Variants in RBPJ observed in about 807,000 individuals in gnomAD.
The protein encoded by RBPJ is recombining binding protein suppressor of hairless.
RBPJ carries 9 observed loss-of-function variants against 67.8 expected under a neutral mutation model. That is an observed-to-expected ratio of 0.13 (90% CI 0.08 to 0.23). RBPJ has a LOEUF of 0.23. Ranked by LOEUF, RBPJ falls within the 10% of genes least tolerant of loss-of-function variation. RBPJ has a pLI of 1.00. For missense variants in RBPJ, 305 were observed against 595.6 expected (o/e 0.51, Z 5.08); for synonymous variants, 198 against 203.3 (o/e 0.97, Z 0.22).
At chr4:26,173,790 G>A (rs1350967359) in intron 1 of RBPJ, among the ~76,000 whole-genome samples, 2 of 152,174 alleles carry the variant, frequency 1.3e-5, no homozygotes, top group Non-Finnish European at 2.9e-5. Context: ...TCCACGGGCT[G>A]GGCACTGGAC....
At chr4:26,321,397 G>T (rs1204050682) in intron 1 of RBPJ, 1 of 152,142 alleles carries the variant, frequency 6.6e-6, no homozygotes, top group African/African-American at 2.4e-5. Context: ...CCTCGCGGCC[G>T]TTGTCGCCGC....
chr4:26,306,923 T>C (rs1036780644), intron 1 of RBPJ, among the ~76,000 whole-genome samples: 10 of 152,132 alleles, frequency 6.6e-5, no homozygotes, highest in Admixed American at 3.9e-4. Context: ...TTGTTGCATT[T>C]CTCATCATTT....
chr4:26,233,952 C>T (rs1719371360), intron 1 of RBPJ, among the ~76,000 whole-genome samples: 1 of 152,030 alleles, frequency 6.6e-6, no homozygotes, highest in African/African-American at 2.4e-5. Context: ...CAAAAAATGT[C>T]AGAGCTCATT....
the RBPJ span, among the ~76,000 whole-genome samples, chr4:26,111,317 A>G: frequency 1.3e-5 from 2 of 152,026 alleles, no homozygotes; most frequent in African/African-American, 4.8e-5. Context: ...CACTTTCCTC[A>G]CTAGGTTCCA....
At chr4:26,312,382 C>T (rs1476642664) in intron 1 of RBPJ, among the ~76,000 whole-genome samples, 2 of 152,254 alleles carry the variant, frequency 1.3e-5, no homozygotes, top group African/African-American at 2.4e-5. Context: ...CCGCCTGCCT[C>T]GGCCTCCCAA....
intron 1 of RBPJ, among the ~76,000 whole-genome samples, chr4:26,251,940 A>G (rs1720128899): frequency 6.6e-6 from 1 of 151,972 alleles, no homozygotes; most frequent in South Asian, 2.1e-4. Flanking sequence ...CAACGGGGCT[A>G]TCGACTGACT....
chr4:26,391,930 G>A (rs1731543089), intron 2 of RBPJ, among the ~76,000 whole-genome samples: 1 of 152,220 alleles, frequency 6.6e-6, no homozygotes, highest in African/African-American at 2.4e-5. Context: ...ACACCAGTGT[G>A]TTTGATGTCT....
chr4:26,269,090 A>G (rs1237157147), intron 1 of RBPJ, among the ~76,000 whole-genome samples: 1 of 152,046 alleles, frequency 6.6e-6, no homozygotes, highest in Non-Finnish European at 1.5e-5. Context: ...ACTGAGCCCC[A>G]CTTCAGCTAG....
At chr4:26,158,945 TTCTCTCTCTCTCTCTC>T (rs5856933), upstream of RBPJ, among the ~76,000 whole-genome samples, 8 of 136,732 alleles carry the variant, frequency 5.9e-5, no homozygotes, top group African/African-American at 1.7e-4. Context: ...CTCTCTCTCT[TTCTCTCTCTCTCTCTC>T]TCTCTCTCTC....
chr4:26,177,145 G>A (rs1025838480), intron 1 of RBPJ, among the ~76,000 whole-genome samples: 4 of 152,022 alleles, frequency 2.6e-5, no homozygotes, highest in Admixed American at 1.3e-4. Context: ...TAAGCCTCCC[G>A]GGGAGAATTA....
In RBPJ at chr4:26,431,015, C is replaced by T. The variant is rs2109844011; in HGVS notation, c.*8C>T. ...GCCACAGTGGTATCCTAACTACCGT[C>T]TTTTTGCTAGGACTTAAACTGACTT... On this transcript the variant is annotated 3_prime_UTR_variant, in exon 11 of 11. Transcript: ENST00000355476. 1 of 1,609,400 alleles carries T rather than the reference C, an allele frequency of 6.2e-7. No homozygotes were observed. Among genetic ancestry groups the T allele is most frequent in the Middle Eastern group, 1.8e-4 (1 of 5,686 alleles).
intron 1 of RBPJ, among the ~76,000 whole-genome samples, chr4:26,246,666 A>G (rs1033006368): frequency 1.3e-5 from 2 of 152,186 alleles, no homozygotes; most frequent in African/African-American, 4.8e-5. Flanking sequence ...ATTATTCACT[A>G]CTGTAACTAT....
chr4:26,273,444 G>A (rs1054317769), intron 1 of RBPJ, among the ~76,000 whole-genome samples: 1 of 152,210 alleles, frequency 6.6e-6, no homozygotes, highest in African/African-American at 2.4e-5. Context: ...AGATGCCTCC[G>A]AGGGAGCGTG....
intron 1 of RBPJ, among the ~76,000 whole-genome samples, chr4:26,180,570 ATC>A (rs1716948365): frequency 6.6e-6 from 1 of 152,134 alleles, no homozygotes; most frequent in Admixed American, 6.5e-5. Flanking sequence ...GGGGTGAGGT[ATC>A]TCCCTGGGGC....
chr4:26,180,490 C>T (rs1271015100), intron 1 of RBPJ, among the ~76,000 whole-genome samples: 1 of 152,172 alleles, frequency 6.6e-6, no homozygotes, highest in Non-Finnish European at 1.5e-5. Flanking sequence ...TCGGCAGATT[C>T]AGTGTCTGAT....
At chr4:26,129,894 C>G in the RBPJ span, among the ~76,000 whole-genome samples, 2 of 152,050 alleles carry the variant, frequency 1.3e-5, no homozygotes, top group Admixed American at 1.3e-4. Flanking sequence ...TGGAGTCTCT[C>G]TCTGTCTCCC....
intron 1 of RBPJ, among the ~76,000 whole-genome samples, chr4:26,366,988 G>T (rs1728698785): frequency 6.6e-6 from 1 of 151,650 alleles, no homozygotes; most frequent in Non-Finnish European, 1.5e-5. Flanking sequence ...GCCAGGCATG[G>T]TGGCAGGCGC....
chr4:26,347,208 C>G (rs1726251991), intron 1 of RBPJ, among the ~76,000 whole-genome samples: 1 of 151,978 alleles, frequency 6.6e-6, no homozygotes, highest in African/African-American at 2.4e-5. Context: ...ATGAAGATAT[C>G]CAGTGGCCAG....
rs1385094713 is a variant in RBPJ, at chr4:26,215,405, G to GA, written c.-167+51791_-167+51792insA. On this transcript the variant is annotated intron_variant, in intron 1 of 4. Transcript: ENST00000512351. ...AGGGAGGGAGAGAGGAAGGAAGGGG[G>GA]GGGAAGGAAGGAAGGGAGGGAGGGA... 2.3e-3 allele frequency among the ~76,000 whole-genome samples: 172 copies of GA among 73,478 alleles called. 4 individuals carry two copies. The highest frequency in any genetic ancestry group is 7.8e-3 in the African/African-American group (129 of 16,492). 48.2% of individuals were successfully genotyped at this position (73,478 alleles called of 152,430 possible). A position where few individuals can be genotyped will look rare whatever the true frequency, so the allele number is the denominator to read the frequency against.
Sources: allele counts gnomAD v4.1 joint callset (sites outside exome capture counted in the v4.1 genomes callset), GRCh38; gene constraint gnomAD v4.1.1; transcripts MANE v1.5; gene names NCBI Gene and HGNC (gene_info 2026-07-23, HGNC 2026-07-21).